EIF2AK4: variants seen among roughly 807,000 people sequenced by gnomAD.
The protein encoded by EIF2AK4 is eukaryotic translation initiation factor 2 alpha kinase 4, also known as eIF-2-alpha kinase GCN2.
In EIF2AK4, 139 loss-of-function variants were observed where a neutral mutation model predicts 211.1. That is an observed-to-expected ratio of 0.66 (90% CI 0.57 to 0.76). The LOEUF (loss-of-function observed/expected upper bound fraction) is 0.76, where lower values mean the gene tolerates loss of function less well. Among genes scored for constraint, EIF2AK4 ranks in the 30% least tolerant of loss-of-function variants. EIF2AK4 has a pLI of 0.00. For synonymous variants in EIF2AK4, 710 were observed against 751.3 expected (o/e 0.94, Z 0.90); for missense variants, 1,664 against 2,043.8 (o/e 0.81, Z 3.58).
intron 8 of EIF2AK4, 39 bp from the exon 9 acceptor site, chr15:39,967,305 C>A: frequency 6.6e-7 from 1 of 1,509,444 alleles, no homozygotes; most frequent in Non-Finnish European, 8.9e-7. Flanking sequence ...TTAATGTTGA[C>A]TGGCCCAATA....
intron 35 of EIF2AK4, 139 bp downstream of exon 35, chr15:40,030,595 C>G: frequency 1.2e-6 from 1 of 858,020 alleles, no homozygotes; most frequent in East Asian, 2.7e-5. Flanking sequence ...TCCAACTTGC[C>G]TAACTGGGTG....
At chr15:39,944,241 G>T (rs2034189430) in intron 3 of EIF2AK4, among the ~76,000 whole-genome samples, 2 of 151,938 alleles carry the variant, frequency 1.3e-5, no homozygotes, top group Admixed American at 1.3e-4. Flanking sequence ...TGAACATTAG[G>T]ATCTACATAT....
chr15:39,996,637 G>C (rs906059774), intron 18 of EIF2AK4, among the ~76,000 whole-genome samples: 1 of 152,176 alleles, frequency 6.6e-6, no homozygotes, highest in African/African-American at 2.4e-5. Context: ...CTTGAGCCCA[G>C]GAGGCAGAGG....
chr15:39,992,638 C>G, intron 17 of EIF2AK4, 131 bp from the exon 18 acceptor site: 1 of 731,342 alleles, frequency 1.4e-6, no homozygotes, highest in Non-Finnish European at 2.4e-6. Context: ...AATGCATGCT[C>G]TGCTTCCTGT....
rs1455040988 is a variant in EIF2AK4, at chr15:40,008,829, A to G, written c.3576+634A>G. ...TATGTTCATTGTTTTCTCCAAGCAGAACATGTGTTTTTAGGGCAGAGCCTA... is the reference window on the plus strand; with the variant it reads ...TATGTTCATTGTTTTCTCCAAGCAGGACATGTGTTTTTAGGGCAGAGCCTA... On this transcript the variant is annotated intron_variant, in intron 25 of 38. Transcript: ENST00000263791. Among the ~76,000 whole-genome samples, 5 of 152,300 alleles carry G rather than the reference A, an allele frequency of 3.3e-5. No individual in the cohort carries two copies. In the East Asian group the frequency reaches 7.7e-4, roughly 24 times the overall value.
In EIF2AK4 at chr15:39,954,003, C is replaced by T; in HGVS notation, c.594+19C>T. The T allele has an allele frequency of 6.5e-7, 1 of 1,545,554 alleles. No individual in the cohort carries two copies. Among genetic ancestry groups the T allele is most frequent in the Non-Finnish European group, 8.7e-7 (1 of 1,151,514 alleles). On this transcript the variant is annotated intron_variant, in intron 5 of 38. Coordinates refer to ENST00000263791, the MANE Select transcript of EIF2AK4 (RefSeq NM_001013703.4). ...TAAGCAGGTACCCTATCAACTCCACCATAATAATTTACATTTTGCAAAACA... is the reference window on the plus strand; with the variant it reads ...TAAGCAGGTACCCTATCAACTCCACTATAATAATTTACATTTTGCAAAACA...
At chr15:39,988,159 C>T in intron 15 of EIF2AK4, 54 bp downstream of exon 15, 1 of 1,587,378 alleles carries the variant, frequency 6.3e-7, no homozygotes, top group South Asian at 1.1e-5. Flanking sequence ...AAATTTATGA[C>T]TGCATAAAAA....
intron 11 of EIF2AK4, among the ~76,000 whole-genome samples, chr15:39,976,187 A>G (rs2034689865): frequency 6.6e-6 from 1 of 152,256 alleles, no homozygotes; most frequent in African/African-American, 2.4e-5. Flanking sequence ...TGTTTTCCCC[A>G]GGGTCTCCCA....
chr15:39,934,550 A>G (rs2034034985), intron 1 of EIF2AK4, among the ~76,000 whole-genome samples: 1 of 152,004 alleles, frequency 6.6e-6, no homozygotes, highest in Admixed American at 6.6e-5. Context: ...TCCTTTCCCC[A>G]TGATTTCCCC....
rs751282522 is a variant in EIF2AK4 at position 39,967,317 on chromosome 15, TC to T, written c.1018-26del. Reference sequence around the variant, plus strand: ...AAGTTAATGTTGACTGGCCCAATATTCTTTTTTTTTTTTTTTAACTTATCAG... The same window carrying T: ...AAGTTAATGTTGACTGGCCCAATATTTTTTTTTTTTTTTTTAACTTATCAG... On this transcript the variant is annotated intron_variant, in intron 8 of 38. Transcript: ENST00000263791. 7 of 1,427,024 alleles carry T rather than the reference TC, an allele frequency of 4.9e-6. No homozygotes were observed. In the East Asian group the frequency reaches 1.5e-4, roughly 31 times the overall value. 88.4% of individuals were successfully genotyped at this position (1,427,024 alleles called of 1,614,324 possible). A position where few individuals can be genotyped will look rare whatever the true frequency, so the allele number is the denominator to read the frequency against.
At chr15:39,955,917 A>T in intron 6 of EIF2AK4, 149 bp downstream of exon 6, 1 of 690,530 alleles carries the variant, frequency 1.4e-6, no homozygotes, top group Non-Finnish European at 2.1e-6. Context: ...TTAGCAATAT[A>T]TTAGGTGTAT....
intron 27 of EIF2AK4, among the ~76,000 whole-genome samples, chr15:40,015,364 A>C (rs1217736601): frequency 6.6e-6 from 1 of 152,260 alleles, no homozygotes; most frequent in Non-Finnish European, 1.5e-5. Context: ...AGGAGGCCTC[A>C]CAATCATGGT....
chr15:39,956,737 G>T (rs2034397896), intron 6 of EIF2AK4, among the ~76,000 whole-genome samples: 1 of 152,220 alleles, frequency 6.6e-6, no homozygotes, highest in African/African-American at 2.4e-5. Flanking sequence ...ATTAAATAGT[G>T]TAGGGACTTC....
intron 26 of EIF2AK4, 23 bp downstream of exon 26, chr15:40,009,753 T>C (rs2035211448): frequency 2.1e-6 from 3 of 1,404,252 alleles, no homozygotes; most frequent in Non-Finnish European, 3.0e-6. Flanking sequence ...TTACTTATGA[T>C]GTTGAAAGAT....
chr15:39,965,975 G>A, intron 8 of EIF2AK4, 132 bp downstream of exon 8: 2 of 1,262,340 alleles, frequency 1.6e-6, no homozygotes, highest in Non-Finnish European at 2.1e-6. Context: ...TTTGACCAGG[G>A]AGGACAGTGA....
At chr15:40,003,360 T>G in intron 23 of EIF2AK4, 46 bp downstream of exon 23, 1 of 1,606,642 alleles carries the variant, frequency 6.2e-7, no homozygotes, top group Non-Finnish European at 8.5e-7. Flanking sequence ...CTGTATCTAG[T>G]CACAGGGATG....
rs1226557981 is a variant in EIF2AK4, at chr15:40,017,172, T to A, written c.3995T>A (p.Val1332Glu). The A allele has an allele frequency of 1.9e-6, 3 of 1,614,088 alleles. No homozygotes were observed. ...CACAATGGAATCATCTTCCAGTTTG[T>A]GGCTTTCATCAAACGAAGGCAAAGG... Reference protein sequence around the residue: ...QQHNGIIFQFVAFIKRRQRAV... With the variant: ...QQHNGIIFQFEAFIKRRQRAV... Residue 1332 changes from valine (V) to glutamate (E), a missense_variant, in exon 29 of 39, where the codon GTG becomes GAG. By Grantham distance (121) the Val-to-Glu change is moderately radical (BLOSUM62 -2). Transcript: ENST00000263791.
intron 7 of EIF2AK4, among the ~76,000 whole-genome samples, chr15:39,963,735 T>C (rs559065005): frequency 6.6e-6 from 1 of 152,218 alleles, no homozygotes; most frequent in Admixed American, 6.5e-5. Flanking sequence ...TTTGATAATG[T>C]ATTTTCTCTT....
chr15:39,971,854 C>G (rs1323565610), intron 9 of EIF2AK4, among the ~76,000 whole-genome samples: 1 of 152,196 alleles, frequency 6.6e-6, no homozygotes. Flanking sequence ...GTCCAAACCT[C>G]CAGAGATGCT....
Sources: allele counts gnomAD v4.1 joint callset (sites outside exome capture counted in the v4.1 genomes callset), GRCh38; gene constraint gnomAD v4.1.1; transcripts MANE v1.5; gene names NCBI Gene and HGNC (gene_info 2026-07-23, HGNC 2026-07-21).